Variants in ABCC12 observed in about 807,000 individuals in gnomAD.
ABCC12 encodes the protein ATP-binding cassette sub-family C member 12.
In ABCC12, 142 loss-of-function variants were observed where a neutral mutation model predicts 151.1. That is an observed-to-expected ratio of 0.94 (90% CI 0.82 to 1.08). The LOEUF is 1.08. ABCC12 is among the 50% of genes least tolerant of loss of function. The pLI is 0.00. For missense variants in ABCC12, 1,638 were observed against 1,691.1 expected, an observed-to-expected ratio of 0.97 and a Z score of 0.55; for synonymous variants, 645 against 646.4, an observed-to-expected ratio of 1.00 and a Z score of 0.03.
rs370549199 is a variant in ABCC12, at chr16:48,101,135, G to A, written c.2901-126C>T. 5 of 1,162,618 alleles carry A rather than the reference G, an allele frequency of 4.3e-6. No individual in the cohort carries two copies. The African/African-American group carries it at 4.7e-5, about 11-fold the overall frequency. The allele number at this position is 1,162,618 out of a possible 1,614,324, so 72.0% of individuals were successfully genotyped here. Reference sequence around the variant, plus strand: ...AAGTCAGAGACGGTGCCATCTAACTGGGGATGAAGAGCAGCCTGCCATTCT... The same window carrying A: ...AAGTCAGAGACGGTGCCATCTAACTAGGGATGAAGAGCAGCCTGCCATTCT... On this transcript the variant is annotated intron_variant, in intron 22 of 30. Coordinates refer to ENST00000311303, the MANE Select transcript of ABCC12 (RefSeq NM_001393797.1).
At chr16:48,098,370 A>G (rs1379637088) in intron 23 of ABCC12, among the ~76,000 whole-genome samples, 1 of 152,082 alleles carries the variant, frequency 6.6e-6, no homozygotes. Context: ...AGGAGGTACA[A>G]TTCCTCCCCT....
At chr16:48,151,840 C>T (rs756151849) in intron 2 of ABCC12, among the ~76,000 whole-genome samples, 3 of 152,166 alleles carry the variant, frequency 2.0e-5, no homozygotes, top group Non-Finnish European at 4.4e-5. Flanking sequence ...TGCTCAGTGT[C>T]ACTGAGTAAT....
Position 48,153,738 on chromosome 16 carries a change from G to A in ABCC12, c.-173C>T, listed in dbSNP as rs567338971. The A allele has an allele frequency of 6.6e-6, 1 of 152,314 alleles. No individual in the cohort carries two copies. Among genetic ancestry groups the A allele is most frequent in the South Asian group, 2.1e-4 (1 of 4,820 alleles). 9.4% of individuals were successfully genotyped at this position (152,314 alleles called of 1,614,324 possible). On this transcript the variant is annotated 5_prime_UTR_variant, in exon 2 of 31. Transcript: ENST00000311303. Reference sequence around the variant, plus strand: ...CAAACACTGGAGGCCAGGCCTCCCTGGCCAGGTTTGAGTAATCAGCGCGCA... The same window carrying A: ...CAAACACTGGAGGCCAGGCCTCCCTAGCCAGGTTTGAGTAATCAGCGCGCA...
At chr16:48,114,366 C>T (rs1963803195) in intron 15 of ABCC12, among the ~76,000 whole-genome samples, 1 of 152,158 alleles carries the variant, frequency 6.6e-6, no homozygotes, top group African/African-American at 2.4e-5. Flanking sequence ...AAAATGCTGG[C>T]TGCAGCATCC....
At chr16:48,105,478 G>A (rs1462544852) in intron 20 of ABCC12, 142 bp from the exon 21 acceptor site, 5 of 865,964 alleles carry the variant, frequency 5.8e-6, no homozygotes, top group Non-Finnish European at 8.9e-6. Flanking sequence ...ATACAATCTA[G>A]TCTGTTCCCT....
chr16:48,102,030 C>T (rs943083990), intron 22 of ABCC12, among the ~76,000 whole-genome samples: 3 of 152,138 alleles, frequency 2.0e-5, no homozygotes, highest in African/African-American at 7.2e-5. Flanking sequence ...GGCCAATTCA[C>T]GCTGACTTCC....
At chr16:48,133,912 C>T (rs552447541) in intron 8 of ABCC12, 77 bp from the exon 9 acceptor site, 3 of 1,547,642 alleles carry the variant, frequency 1.9e-6, no homozygotes, top group South Asian at 1.2e-5. Flanking sequence ...ATTAGCCCTA[C>T]TTGGTCCTCT....
intron 25 of ABCC12, among the ~76,000 whole-genome samples, chr16:48,089,858 T>C (rs750318974): frequency 1.5e-4 from 23 of 152,348 alleles, no homozygotes; most frequent in Non-Finnish European, 5.9e-5. Context: ...TTAAACACGA[T>C]TTTAAGTTAA....
chr16:48,144,404 C>A (rs577421149), intron 3 of ABCC12, among the ~76,000 whole-genome samples: 138 of 151,524 alleles, frequency 9.1e-4, no homozygotes, highest in Non-Finnish European at 1.3e-3. Flanking sequence ...TTTCTTCTTC[C>A]CCTCCTCTTC....
At chr16:48,139,431 G>T in intron 6 of ABCC12, 95 bp from the exon 7 acceptor site, 2 of 1,352,968 alleles carry the variant, frequency 1.5e-6, no homozygotes, top group Admixed American at 2.4e-5. Flanking sequence ...GATCTAGGGA[G>T]AAAGGAGAAA....
At chr16:48,107,578 T>A (rs59766379) in intron 19 of ABCC12, among the ~76,000 whole-genome samples, 153 bp from the exon 20 acceptor site, 3,391 of 152,282 alleles carry the variant, frequency 0.022, 112 homozygotes, top group African/African-American at 0.076. Context: ...ATGCAGCACA[T>A]CTGAGTGTTG....
chr16:48,084,590 T>G (rs2150576970), intron 29 of ABCC12, among the ~76,000 whole-genome samples: 1 of 152,354 alleles, frequency 6.6e-6, no homozygotes, highest in East Asian at 1.9e-4. Flanking sequence ...TTGCATTCCT[T>G]GGCCCACAGC....
At chr16:48,146,520 G>C (rs1055619109) in intron 2 of ABCC12, 46 bp from the exon 3 acceptor site, 1 of 997,294 alleles carries the variant, frequency 1.0e-6, no homozygotes, top group South Asian at 1.4e-5. Context: ...GAGGATGTCT[G>C]ATTGGGATCA....
chr16:48,107,330 C>G lies in ABCC12; in HGVS notation c.2467G>C (p.Gly823Arg), dbSNP rs369972977. The G allele has an allele frequency of 6.2e-7, 1 of 1,614,114 alleles. No homozygotes were observed. The highest frequency in any genetic ancestry group is 8.5e-7 in the Non-Finnish European group (1 of 1,179,992). ...GCCAAAGGGAAACTCACCCGTGAGCCCTTGTCCAACCAGAGACCCAGCCAC... is the reference window on the plus strand; with the variant it reads ...GCCAAAGGGAAACTCACCCGTGAGCGCTTGTCCAACCAGAGACCCAGCCAC... ...NWWLGLWLDK[G>R]SRMTCGPQGN... Residue 823 changes from glycine (G) to arginine (R), a missense_variant, in exon 20 of 31, where the codon GGC becomes CGC. Transcript: ENST00000311303.
chr16:48,118,788 C>A (rs1963974155), intron 13 of ABCC12, among the ~76,000 whole-genome samples: 1 of 152,152 alleles, frequency 6.6e-6, no homozygotes, highest in Admixed American at 6.5e-5. Flanking sequence ...TGATGAGGGG[C>A]CTTGGAATCA....
At chr16:48,123,568 C>T (rs1964141893) in intron 12 of ABCC12, among the ~76,000 whole-genome samples, 1 of 152,228 alleles carries the variant, frequency 6.6e-6, no homozygotes, top group Non-Finnish European at 1.5e-5. Flanking sequence ...TTCTCTTTAG[C>T]AACAGCAGAG....
At chr16:48,151,863 T>C (rs1965121263) in intron 2 of ABCC12, among the ~76,000 whole-genome samples, 1 of 152,238 alleles carries the variant, frequency 6.6e-6, no homozygotes, top group Non-Finnish European at 1.5e-5. Flanking sequence ...AGACCTGTGC[T>C]ACAGAAGTTC....
chr16:48,106,005 C>T (rs937397216), intron 20 of ABCC12, among the ~76,000 whole-genome samples: 8 of 152,154 alleles, frequency 5.3e-5, no homozygotes, highest in African/African-American at 1.7e-4. Flanking sequence ...ACAATTTTGC[C>T]GGCACTTCTG....
intron 19 of ABCC12, 121 bp downstream of exon 19, chr16:48,108,319 T>C (rs1963567897): frequency 1.2e-6 from 1 of 860,642 alleles, no homozygotes; most frequent in Non-Finnish European, 1.8e-6. Context: ...AAAGCATTGA[T>C]AAATGGCCCT....
Sources: allele counts gnomAD v4.1 joint callset (sites outside exome capture counted in the v4.1 genomes callset), GRCh38; gene constraint gnomAD v4.1.1; transcripts MANE v1.5; gene names NCBI Gene and HGNC (gene_info 2026-07-23, HGNC 2026-07-21).